The following TENM1 variants were observed in gnomAD, a reference collection of about 807,000 sequenced individuals.
The protein encoded by TENM1 is teneurin transmembrane protein 1.
Under a neutral mutation model 174.8 loss-of-function variants are expected in TENM1, and 35 were observed. The ratio of observed to expected loss-of-function variants is 0.20; its 90% CI spans 0.15 to 0.27. The LOEUF (loss-of-function observed/expected upper bound fraction) is 0.27, where lower values mean the gene tolerates loss of function less well. Ranked by LOEUF, TENM1 falls within the 10% of genes least tolerant of loss-of-function variation. TENM1 has a pLI of 1.00. For synonymous variants in TENM1, 781 were observed against 798.7 expected, an observed-to-expected ratio of 0.98 and a Z score of 0.37; for missense variants, 1,633 against 2,130.1, an observed-to-expected ratio of 0.77 and a Z score of 4.59.
chrX:125,155,574 G>A, the TENM1 span, among the ~76,000 whole-genome samples: 1 of 111,428 alleles, frequency 9.0e-6, no homozygotes, highest in Non-Finnish European at 1.9e-5. Context: ...GGCGGGCGGG[G>A]GGAGGGAGGC....
chrX:125,093,235 A>G, the TENM1 span, among the ~76,000 whole-genome samples: 7 of 111,531 alleles, frequency 6.3e-5, no homozygotes, highest in African/African-American at 2.3e-4. Flanking sequence ...GCTGCTCTCA[A>G]ATCTCAAAAT....
chrX:124,743,520 T>C (rs140901856), intron 3 of TENM1, among the ~76,000 whole-genome samples: 1 of 111,934 alleles, frequency 8.9e-6, no homozygotes, highest in South Asian at 3.7e-4. Flanking sequence ...AGGAGAACAG[T>C]CACAGAGGCT....
At chrX:125,025,475 A>G in the TENM1 span, among the ~76,000 whole-genome samples, 1 of 112,080 alleles carries the variant, frequency 8.9e-6, no homozygotes, top group Non-Finnish European at 1.9e-5. Flanking sequence ...ACATCTTTTT[A>G]GAATAGAAAC....
the TENM1 span, among the ~76,000 whole-genome samples, chrX:125,168,402 A>G: frequency 9.0e-6 from 1 of 111,623 alleles, no homozygotes; most frequent in Admixed American, 9.6e-5. Context: ...CATTGCTTGT[A>G]TTTAGTGTTT....
intron 1 of TENM1, among the ~76,000 whole-genome samples, chrX:124,916,302 C>T (rs907069029): frequency 9.0e-6 from 1 of 111,097 alleles, no homozygotes; most frequent in Non-Finnish European, 1.9e-5. Flanking sequence ...CTCCAAAACT[C>T]ATACTGAATT....
In TENM1 at chrX:124,645,010, C is replaced by T. The variant is rs1040229094; in HGVS notation, c.1876+133G>A. ...GAGCTCCGCTGACCCAAACCCTCTG[C>T]TGCATGTACTAAGACGCTGAGCATT... On this transcript the variant is annotated intron_variant, in intron 10 of 31. Coordinates refer to ENST00000422452, the Ensembl canonical transcript of TENM1. The T allele has an allele frequency of 9.0e-6, 5 of 555,564 alleles. No individual in the cohort carries two copies. The African/African-American group carries it at 9.3e-5, about 10-fold the overall frequency. 45.8% of individuals were successfully genotyped at this position (555,564 alleles called of 1,213,427 possible). A position where few individuals can be genotyped will look rare whatever the true frequency, so the allele number is the denominator to read the frequency against.
the TENM1 span, among the ~76,000 whole-genome samples, chrX:125,060,408 C>A: frequency 7.2e-5 from 8 of 110,375 alleles, no homozygotes; most frequent in African/African-American, 2.6e-4. Flanking sequence ...AATCTAAGGA[C>A]CTCTAGAATG....
chrX:124,921,335 C>T (rs2058018900), intron 1 of TENM1, among the ~76,000 whole-genome samples: 1 of 110,063 alleles, frequency 9.1e-6, no homozygotes, highest in Non-Finnish European at 1.9e-5. Flanking sequence ...TCTTTCCATA[C>T]CTTTCTCTAG....
At chrX:124,477,737 G>A (rs764163377) in intron 22 of TENM1, among the ~76,000 whole-genome samples, 2 of 90,964 alleles carry the variant, frequency 2.2e-5, no homozygotes, top group African/African-American at 4.2e-5. Context: ...GGGTGACAGC[G>A]AGACTTCGTC....
At chrX:125,072,150 A>T in the TENM1 span, among the ~76,000 whole-genome samples, 1 of 111,162 alleles carries the variant, frequency 9.0e-6, no homozygotes, top group African/African-American at 3.3e-5. Context: ...GCTCTGCATT[A>T]TTTAAAGTCA....
chrX:124,750,853 C>A (rs772684472), intron 3 of TENM1, among the ~76,000 whole-genome samples: 1 of 112,089 alleles, frequency 8.9e-6, no homozygotes, highest in South Asian at 3.7e-4. Context: ...CTCTTTATTG[C>A]AAACAATTAA....
intron 3 of TENM1, among the ~76,000 whole-genome samples, chrX:124,882,567 G>A (rs367906154): frequency 5.4e-5 from 6 of 111,587 alleles, no homozygotes; most frequent in East Asian, 2.8e-4. Flanking sequence ...TGGTATTGGC[G>A]GCATATATGT....
the TENM1 span, among the ~76,000 whole-genome samples, chrX:125,022,088 T>A: frequency 3.6e-5 from 4 of 112,429 alleles, no homozygotes; most frequent in Admixed American, 3.8e-4. Flanking sequence ...AAATGAATGT[T>A]GCTAACTCCT....
intron 3 of TENM1, among the ~76,000 whole-genome samples, chrX:124,739,622 G>A (rs2053756019): frequency 1.8e-5 from 2 of 111,974 alleles, no homozygotes; most frequent in Admixed American, 9.4e-5. Flanking sequence ...ATGCTACTTC[G>A]GAACATAAAC....
intron 1 of TENM1, among the ~76,000 whole-genome samples, chrX:124,933,280 G>A (rs773669086): frequency 8.9e-6 from 1 of 112,076 alleles, no homozygotes; most frequent in East Asian, 2.8e-4. Flanking sequence ...AGGCCAAAAG[G>A]CCAGCAGCCA....
chrX:124,629,351 T>C (rs1225285764), intron 11 of TENM1, among the ~76,000 whole-genome samples: 1 of 112,305 alleles, frequency 8.9e-6, no homozygotes, highest in Non-Finnish European at 1.9e-5. Context: ...CATAAAGACT[T>C]TGGAGTAGAA....
intron 11 of TENM1, among the ~76,000 whole-genome samples, chrX:124,596,499 T>C (rs1432901725): frequency 8.9e-6 from 1 of 112,059 alleles, no homozygotes; most frequent in Non-Finnish European, 1.9e-5. Flanking sequence ...AAAAGTACTA[T>C]GAAGGAGCAA....
intron 14 of TENM1, among the ~76,000 whole-genome samples, chrX:124,553,639 A>C (rs908834138): frequency 9.1e-5 from 10 of 110,062 alleles, no homozygotes; most frequent in South Asian, 3.9e-4. Context: ...AAAAAAAAAA[A>C]AAAAACAAAT....
the TENM1 span, among the ~76,000 whole-genome samples, chrX:125,160,570 C>CAGAGAGAG: frequency 2.1e-5 from 1 of 47,574 alleles, no homozygotes; most frequent in Admixed American, 2.2e-4. Context: ...AAAAAAAAAA[C>CAGAGAGAG]AGAGAGAGAG....
Sources: gnomAD v4.1 joint callset for allele counts (sites outside exome capture counted in the v4.1 genomes callset) on GRCh38, gnomAD v4.1.1 for gene constraint, MANE v1.5 for transcripts, NCBI Gene and HGNC (gene_info 2026-07-23, HGNC 2026-07-21) for gene names.